OLFM3: variants seen among roughly 807,000 people sequenced by gnomAD.
OLFM3 encodes the protein noelin-3.
In OLFM3, 20 loss-of-function variants were observed where a neutral mutation model predicts 48.6. The ratio of observed to expected loss-of-function variants is 0.41; its 90% CI spans 0.29 to 0.60. OLFM3 has a LOEUF of 0.60. Ranked by LOEUF, OLFM3 falls within the 20% of genes least tolerant of loss-of-function variation. The pLI is 0.28. For synonymous variants in OLFM3, 222 were observed against 198.1 expected (o/e 1.12, Z -1.01); for missense variants, 437 against 544.3 (o/e 0.80, Z 1.96).
rs1395921024 is a variant in OLFM3, at chr1:101,925,627, T to C, written c.69+71121A>G. Among the ~76,000 whole-genome samples, 3 of 152,106 alleles carry C rather than the reference T, an allele frequency of 2.0e-5. No individual in the cohort carries two copies. The East Asian group carries it at 5.8e-4, about 29-fold the overall frequency. ...TTGAGCTCCTGGGCTCAAGAAATTC[T>C]CCTGCTTCAGCCTCTTGAGTAGCTA... On this transcript the variant is annotated intron_variant, in intron 1 of 5. Transcript: ENST00000370103.
At chr1:101,962,676 C>T (rs370124743) in intron 1 of OLFM3, among the ~76,000 whole-genome samples, 27 of 152,242 alleles carry the variant, frequency 1.8e-4, no homozygotes, top group African/African-American at 6.3e-4. Flanking sequence ...TATCTTGTCC[C>T]TTATAATAAT....
rs537167996 is a variant in OLFM3, at chr1:101,903,978, T to G, written c.70-66953A>C. ...TTATTAACAAAGTAATTTTTATTAC[T>G]TTTTTATTCAGAGTGCTTTGGATAC... On this transcript the variant is annotated intron_variant, in intron 1 of 5. Transcript: ENST00000370103. 2.7e-4 allele frequency among the ~76,000 whole-genome samples: 41 copies of G among 152,200 alleles called. No individual in the cohort carries two copies. In the East Asian group the frequency reaches 7.7e-3, roughly 29 times the overall value.
At chr1:101,939,376 C>A (rs1254722948) in intron 1 of OLFM3, among the ~76,000 whole-genome samples, 1 of 151,940 alleles carries the variant, frequency 6.6e-6, no homozygotes, top group African/African-American at 2.4e-5. Flanking sequence ...GTTCATCCAA[C>A]AAACATGTTC....
intron 3 of OLFM3, 123 bp downstream of exon 3, chr1:101,830,549 C>T (rs543918525): frequency 8.1e-6 from 8 of 985,696 alleles, no homozygotes; most frequent in Non-Finnish European, 1.3e-5. Flanking sequence ...CTGAAATCCC[C>T]CATGAGTCTT....
intron 1 of OLFM3, among the ~76,000 whole-genome samples, chr1:101,842,859 T>C (rs1557698971): frequency 6.6e-6 from 1 of 152,208 alleles, no homozygotes; most frequent in African/African-American, 2.4e-5. Context: ...CTCTTATTCA[T>C]GTGAGGATTC....
At chr1:101,970,534 G>T (rs754948626) in intron 1 of OLFM3, among the ~76,000 whole-genome samples, 2 of 150,776 alleles carry the variant, frequency 1.3e-5, no homozygotes, top group African/African-American at 4.9e-5. Context: ...CTTTTCTTTC[G>T]TACTCCTTTT....
At chr1:101,895,352 C>T (rs1658156406) in intron 1 of OLFM3, among the ~76,000 whole-genome samples, 2 of 151,876 alleles carry the variant, frequency 1.3e-5, no homozygotes, top group African/African-American at 2.4e-5. Context: ...CAAAATTACT[C>T]TTAAGCTAGG....
intron 1 of OLFM3, among the ~76,000 whole-genome samples, chr1:101,921,182 ACAAT>A (rs1027329548): frequency 3.5e-5 from 5 of 143,298 alleles, no homozygotes; most frequent in African/African-American, 1.0e-4. Flanking sequence ...TAGATAGTTG[ACAAT>A]CTATTTAAGT....
chr1:101,986,363 G>A (rs1327519640), intron 1 of OLFM3, among the ~76,000 whole-genome samples: 1 of 152,054 alleles, frequency 6.6e-6, no homozygotes, highest in African/African-American at 2.4e-5. Context: ...TGTACATGAG[G>A]AAATGGAAAT....
chr1:101,962,083 A>G (rs913638168), intron 1 of OLFM3, among the ~76,000 whole-genome samples: 1 of 152,136 alleles, frequency 6.6e-6, no homozygotes, highest in Non-Finnish European at 1.5e-5. Flanking sequence ...AGAGGTGTTT[A>G]GTGAAGCTAA....
chr1:101,938,526 G>T (rs933837996), intron 1 of OLFM3, among the ~76,000 whole-genome samples: 1 of 152,150 alleles, frequency 6.6e-6, no homozygotes, highest in Non-Finnish European at 1.5e-5. Flanking sequence ...GCCACCAGAT[G>T]GTGACATAAT....
chr1:101,972,998 T>C (rs75867100), intron 1 of OLFM3, among the ~76,000 whole-genome samples: 23 of 152,308 alleles, frequency 1.5e-4, no homozygotes, highest in Non-Finnish European at 2.9e-4. Flanking sequence ...GAGAATTGGA[T>C]ACCTACATAA....
intron 1 of OLFM3, among the ~76,000 whole-genome samples, chr1:101,931,513 C>T (rs1659444897): frequency 6.6e-6 from 1 of 152,180 alleles, no homozygotes; most frequent in Non-Finnish European, 1.5e-5. Context: ...CTCCCTTTGC[C>T]TCCACTGTGG....
At chr1:101,963,539 G>A (rs1458936891) in intron 1 of OLFM3, among the ~76,000 whole-genome samples, 1 of 89,106 alleles carries the variant, frequency 1.1e-5, no homozygotes, top group African/African-American at 4.4e-5. Context: ...TTACAGCCTG[G>A]CTTGACTCTT....
chr1:101,945,601 T>A (rs1311472940), intron 1 of OLFM3, among the ~76,000 whole-genome samples: 1 of 152,092 alleles, frequency 6.6e-6, no homozygotes, highest in Non-Finnish European at 1.5e-5. Context: ...AATACATATG[T>A]TGAAATTTAT....
intron 4 of OLFM3, among the ~76,000 whole-genome samples, chr1:101,811,272 A>G (rs1323989350): frequency 2.0e-5 from 3 of 152,088 alleles, no homozygotes; most frequent in African/African-American, 7.2e-5. Flanking sequence ...CTATTGTCCA[A>G]GTGAATACAG....
rs993377112 is a variant in OLFM3, at chr1:101,830,573, A to AT, written c.372+98dup. 1.3e-5 allele frequency: 17 copies of AT among 1,263,146 alleles called. No individual in the cohort carries two copies. The Admixed American group carries it at 3.1e-4, about 23-fold the overall frequency. 78.2% of individuals were successfully genotyped at this position (1,263,146 alleles called of 1,614,324 possible). On this transcript the variant is annotated intron_variant, in intron 3 of 5. Coordinates refer to ENST00000370103, the MANE Select transcript of OLFM3 (RefSeq NM_058170.4). Reference sequence around the variant, plus strand: ...CCCATGAGTCTTTTACCTTGCACATATGGGCCAATGCACATTCATTTCTAG... The same window carrying AT: ...CCCATGAGTCTTTTACCTTGCACATATTGGGCCAATGCACATTCATTTCTAG...
chr1:101,830,292 C>G (rs1026604165), intron 3 of OLFM3, among the ~76,000 whole-genome samples: 2 of 152,034 alleles, frequency 1.3e-5, no homozygotes, highest in African/African-American at 2.4e-5. Context: ...TATGAAACAA[C>G]TCTCTCCACA....
intron 2 of OLFM3, among the ~76,000 whole-genome samples, chr1:101,835,693 A>G (rs1390164587): frequency 6.6e-6 from 1 of 152,178 alleles, no homozygotes; most frequent in Non-Finnish European, 1.5e-5. Flanking sequence ...CTCTTGTTGG[A>G]TGACAGATAT....
Sources: gnomAD v4.1 joint callset for allele counts (sites outside exome capture counted in the v4.1 genomes callset) on GRCh38, gnomAD v4.1.1 for gene constraint, MANE v1.5 for transcripts, NCBI Gene and HGNC (gene_info 2026-07-23, HGNC 2026-07-21) for gene names.